TLN2: variants seen among roughly 807,000 people sequenced by gnomAD.
The protein encoded by TLN2 is talin-2.
A neutral mutation model predicts 294.7 loss-of-function variants in TLN2; 118 were observed. The observed-to-expected ratio is 0.40, with a 90% CI of 0.34 to 0.47. TLN2 has a LOEUF of 0.47. Among genes scored for constraint, TLN2 ranks in the 20% least tolerant of loss-of-function variants. The pLI, the probability that TLN2 is intolerant of heterozygous loss-of-function variation, is 0.84. For missense variants in TLN2, 3,083 were observed against 3,282.2 expected, an observed-to-expected ratio of 0.94 and a Z score of 1.48; for synonymous variants, 1,431 against 1,304.5, an observed-to-expected ratio of 1.10 and a Z score of -2.09.
At chr15:62,505,248 T>G (rs530155757) in intron 1 of TLN2, among the ~76,000 whole-genome samples, 6 of 152,290 alleles carry the variant, frequency 3.9e-5, no homozygotes, top group Admixed American at 3.9e-4. Context: ...TGAGCCACTG[T>G]GCTCGGCCAA....
chr15:62,493,434 C>T (rs932496977), intron 1 of TLN2, among the ~76,000 whole-genome samples: 1 of 152,032 alleles, frequency 6.6e-6, no homozygotes, highest in Non-Finnish European at 1.5e-5. Flanking sequence ...CATAATCACT[C>T]ATAAGGCCCT....
intron 2 of TLN2, among the ~76,000 whole-genome samples, chr15:62,617,934 A>G (rs141271602): frequency 1.2e-4 from 18 of 151,920 alleles, no homozygotes; most frequent in African/African-American, 4.1e-4. Flanking sequence ...AAGCTGAGTT[A>G]TCCAAGTGAT....
At chr15:62,598,828 G>GAGTT (rs1224032005) in intron 2 of TLN2, among the ~76,000 whole-genome samples, 5 of 151,978 alleles carry the variant, frequency 3.3e-5, no homozygotes, top group African/African-American at 1.2e-4. Context: ...TGGTATTTGT[G>GAGTT]AGTTACCTCC....
At chr15:62,778,241 A>G (rs1240873145) in intron 43 of TLN2, among the ~76,000 whole-genome samples, 1 of 152,208 alleles carries the variant, frequency 6.6e-6, no homozygotes, top group Non-Finnish European at 1.5e-5. Context: ...ACTTTGTCAA[A>G]TCATCCATCA....
At chr15:62,673,096 G>GTGTGTGTGTGTC (rs1243457415) in intron 9 of TLN2, among the ~76,000 whole-genome samples, 2 of 151,600 alleles carry the variant, frequency 1.3e-5, no homozygotes, top group Non-Finnish European at 2.9e-5. Flanking sequence ...GTGTGTGTGT[G>GTGTGTGTGTGTC]TGTCTGTGTA....
Position 62,589,747 on chromosome 15 carries a change from A to G in TLN2, c.-177A>G, listed in dbSNP as rs1429565779. On this transcript the variant is annotated 5_prime_UTR_variant, in exon 2 of 59. Transcript: ENST00000636159. The stretch of plus-strand genomic sequence containing the variant: ...CTTCAGGGAAATACGCTCTTAATAG[A>G]AACTGAGAATTTAAGGTAAGTCCTT... The G allele has an allele frequency of 6.6e-6, 1 of 152,222 alleles. No individual in the cohort carries two copies. Among genetic ancestry groups the G allele is most frequent in the East Asian group, 1.9e-4 (1 of 5,206 alleles). 9.4% of individuals were successfully genotyped at this position (152,222 alleles called of 1,614,324 possible). A position where few individuals can be genotyped will look rare whatever the true frequency, so the allele number is the denominator to read the frequency against.
At chr15:62,619,122 G>C (rs969472648) in intron 3 of TLN2, among the ~76,000 whole-genome samples, 8 of 152,054 alleles carry the variant, frequency 5.3e-5, no homozygotes, top group Non-Finnish European at 1.5e-5. Flanking sequence ...AATGAATCTA[G>C]GTTTGTTTGT....
intron 5 of TLN2, 80 bp from the exon 6 acceptor site, chr15:62,651,925 C>T (rs1009703674): frequency 8.5e-6 from 12 of 1,419,900 alleles, no homozygotes; most frequent in Non-Finnish European, 1.1e-5. Flanking sequence ...TTTTAAAATT[C>T]ATTTTTTAAA....
chr15:62,727,276 A>G (rs917591712), intron 28 of TLN2, 87 bp downstream of exon 28: 3 of 1,201,470 alleles, frequency 2.5e-6, no homozygotes, highest in African/African-American at 3.1e-5. Context: ...TCCTTTGACA[A>G]TACACGTGAC....
rs6494360 is a variant in TLN2 at position 62,783,721 on chromosome 15, C to G, written c.5617-50C>G. ...ACACATGGTTCTCATGCGTTTCTCT[C>G]TGTGTGTGTGTGTGTGTGTGTGTGT... On this transcript the variant is annotated intron_variant, in intron 44 of 58. Coordinates refer to ENST00000636159, the MANE Select transcript of TLN2 (RefSeq NM_015059.3). The G allele has an allele frequency of 1.9e-4, 231 of 1,244,912 alleles. 7 individuals are homozygous for G. In the Middle Eastern group the frequency reaches 8.1e-3, roughly 43 times the overall value. The allele number at this position is 1,244,912 out of a possible 1,614,324, so 77.1% of individuals were successfully genotyped here.
intron 33 of TLN2, among the ~76,000 whole-genome samples, 183 bp from the exon 34 acceptor site, chr15:62,750,219 T>C (rs1355146890): frequency 1.3e-5 from 2 of 152,230 alleles, no homozygotes; most frequent in Non-Finnish European, 2.9e-5. Context: ...ATAATGAGCA[T>C]TGTGTTGCTA....
At chr15:62,490,667 A>G (rs1230713172) in intron 1 of TLN2, among the ~76,000 whole-genome samples, 2 of 152,162 alleles carry the variant, frequency 1.3e-5, no homozygotes, top group African/African-American at 2.4e-5. Flanking sequence ...ACACAGCTAT[A>G]TGTCACTTGC....
At chr15:62,677,323 C>T (rs1027048691) in intron 11 of TLN2, among the ~76,000 whole-genome samples, 1 of 152,202 alleles carries the variant, frequency 6.6e-6, no homozygotes, top group Non-Finnish European at 1.5e-5. Context: ...TTAAATTCAT[C>T]TCTTGCATTC....
chr15:62,716,679 C>G (rs2140904480), intron 23 of TLN2, among the ~76,000 whole-genome samples: 1 of 152,282 alleles, frequency 6.6e-6, no homozygotes, highest in East Asian at 1.9e-4. Flanking sequence ...AGAATTTAGA[C>G]TCTTTTCAGG....
At chr15:62,550,711 G>A (rs2042244123) in intron 1 of TLN2, among the ~76,000 whole-genome samples, 2 of 152,076 alleles carry the variant, frequency 1.3e-5, no homozygotes, top group South Asian at 4.2e-4. Context: ...TCTTCCCTTA[G>A]ACAGGTAACC....
intron 7 of TLN2, among the ~76,000 whole-genome samples, chr15:62,654,947 T>A (rs535161666): frequency 5.9e-5 from 9 of 152,186 alleles, no homozygotes; most frequent in African/African-American, 2.2e-4. Context: ...CCACCTAGAC[T>A]TCCTGGCCTC....
chr15:62,797,259 A>G lies in TLN2; in HGVS notation c.6091A>G (p.Thr2031Ala). Residue 2031 changes from threonine to alanine, a missense_variant, in exon 48 of 59, where the codon ACG becomes GCG. Thr to Ala is a moderately conservative substitution (Grantham distance 58). Coordinates refer to ENST00000636159, the MANE Select transcript of TLN2 (RefSeq NM_015059.3). Reference protein sequence around the residue: ...LKTAKALVEDTKLLVSGAAST... With the variant: ...LKTAKALVEDAKLLVSGAAST... ...GACGGCCAAGGCCTTGGTAGAAGAC[A>G]CGAAACTACTTGTGTCAGGAGCTGC... The G allele has an allele frequency of 6.2e-7, 1 of 1,614,052 alleles. No homozygotes were observed. The highest frequency in any genetic ancestry group is 1.3e-5 in the African/African-American group (1 of 75,044).
At chr15:62,713,155 C>T (rs1290334487) in intron 22 of TLN2, among the ~76,000 whole-genome samples, 1 of 151,034 alleles carries the variant, frequency 6.6e-6, no homozygotes, top group Non-Finnish European at 1.5e-5. Context: ...TGTAATTCCA[C>T]CTACTCGGGA....
At chr15:62,411,920 G>A (rs752481445) in intron 1 of TLN2, among the ~76,000 whole-genome samples, 1 of 152,180 alleles carries the variant, frequency 6.6e-6, no homozygotes, top group Non-Finnish European at 1.5e-5. Flanking sequence ...GGATGAACTA[G>A]TTCAGGGTTT....
Sources: allele counts gnomAD v4.1 joint callset (sites outside exome capture counted in the v4.1 genomes callset), GRCh38; gene constraint gnomAD v4.1.1; transcripts MANE v1.5; gene names NCBI Gene and HGNC (gene_info 2026-07-23, HGNC 2026-07-21).